Variants in MAML2 observed in about 807,000 individuals in gnomAD.
MAML2 encodes the protein mastermind like transcriptional coactivator 2.
Under a neutral mutation model 96.1 loss-of-function variants are expected in MAML2, and 22 were observed. The observed-to-expected ratio is 0.23, with a 90% CI of 0.16 to 0.33. The LOEUF is 0.33. Among genes scored for constraint, MAML2 ranks in the 10% least tolerant of loss-of-function variants. The probability of loss-of-function intolerance (pLI) is 1.00; values close to 1 mark genes in which losing one functional copy is unlikely to be tolerated. For missense variants in MAML2, 1,367 were observed against 1,392.4 expected, an observed-to-expected ratio of 0.98 and a Z score of 0.29; for synonymous variants, 561 against 521.3, an observed-to-expected ratio of 1.08 and a Z score of -1.04.
chr11:96,295,515 C>G (rs1408962101), intron 1 of MAML2, among the ~76,000 whole-genome samples: 1 of 152,114 alleles, frequency 6.6e-6, no homozygotes, highest in African/African-American at 2.4e-5. Context: ...GGACGAAATG[C>G]CTATCATCTG....
At chr11:96,235,747 A>G (rs913637849) in intron 1 of MAML2, among the ~76,000 whole-genome samples, 1 of 152,216 alleles carries the variant, frequency 6.6e-6, no homozygotes, top group Admixed American at 6.5e-5. Context: ...TTTTTGTAAG[A>G]TGTACACTTT....
chr11:96,288,863 T>C (rs906256345), intron 1 of MAML2, among the ~76,000 whole-genome samples: 1 of 152,202 alleles, frequency 6.6e-6, no homozygotes, highest in African/African-American at 2.4e-5. Context: ...CAGAATCACA[T>C]CTTTAAAGTC....
chr11:96,283,171 C>T (rs1863094577), intron 1 of MAML2, among the ~76,000 whole-genome samples: 1 of 152,158 alleles, frequency 6.6e-6, no homozygotes, highest in Admixed American at 6.5e-5. Flanking sequence ...TGTTAACTGT[C>T]AAGGTGTGGG....
At chr11:96,329,387 C>T (rs1249961899) in intron 1 of MAML2, among the ~76,000 whole-genome samples, 4 of 152,176 alleles carry the variant, frequency 2.6e-5, no homozygotes, top group Non-Finnish European at 5.9e-5. Context: ...TTGTCCCCCA[C>T]ATAACTTCAG....
At chr11:96,100,501 G>T (rs965054537) in intron 1 of MAML2, among the ~76,000 whole-genome samples, 1 of 151,646 alleles carries the variant, frequency 6.6e-6, no homozygotes, top group Non-Finnish European at 1.5e-5. Flanking sequence ...GTAGAGACAG[G>T]GTTTCACCAT....
At chr11:96,160,958 T>G (rs1217805803) in intron 1 of MAML2, among the ~76,000 whole-genome samples, 1 of 152,224 alleles carries the variant, frequency 6.6e-6, no homozygotes. Context: ...ACTTTCCTAT[T>G]AATCACTCTG....
At chr11:96,119,811 A>C (rs1860304287) in intron 1 of MAML2, among the ~76,000 whole-genome samples, 1 of 152,288 alleles carries the variant, frequency 6.6e-6, no homozygotes, top group South Asian at 2.1e-4. Flanking sequence ...ATTTGTAATA[A>C]TTTTATTTAT....
chr11:96,057,463 C>A (rs1289519150), intron 2 of MAML2, among the ~76,000 whole-genome samples: 3 of 152,146 alleles, frequency 2.0e-5, no homozygotes, highest in African/African-American at 7.2e-5. Context: ...AAACAAACAA[C>A]CTCAGAGTGT....
intron 1 of MAML2, among the ~76,000 whole-genome samples, chr11:96,270,672 T>C (rs1465528841): frequency 2.0e-5 from 3 of 152,186 alleles, no homozygotes; most frequent in African/African-American, 7.2e-5. Context: ...CCTCCTGTCT[T>C]TTTAAAAACA....
In MAML2 at chr11:96,116,454, C is replaced by A. The variant is rs186697650; in HGVS notation, c.514-22937G>T. 2.1e-3 allele frequency among the ~76,000 whole-genome samples: 319 copies of A among 152,322 alleles called. 2 individuals carry two copies. Among genetic ancestry groups the A allele is most frequent in the Admixed American group, 5.5e-3 (84 of 15,302 alleles). ...TCCCTGTATTGCAGTGGGACGCAAA[C>A]AGAGTCAGCCTGTAGCACGATGTAC... On this transcript the variant is annotated intron_variant, in intron 1 of 4. Coordinates refer to ENST00000524717, the MANE Select transcript of MAML2 (RefSeq NM_032427.4).
intron 1 of MAML2, among the ~76,000 whole-genome samples, chr11:96,336,291 A>T (rs1863919800): frequency 1.3e-5 from 2 of 152,152 alleles, no homozygotes; most frequent in Admixed American, 6.5e-5. Context: ...TATGTAATTA[A>T]AAAGCCTTGT....
intron 1 of MAML2, among the ~76,000 whole-genome samples, chr11:96,314,191 T>G (rs939428283): frequency 6.6e-6 from 1 of 152,148 alleles, no homozygotes; most frequent in African/African-American, 2.4e-5. Flanking sequence ...GAGCCCTGGG[T>G]GATGTGATTT....
At chr11:96,145,020 T>C (rs1263313045) in intron 1 of MAML2, among the ~76,000 whole-genome samples, 1 of 152,218 alleles carries the variant, frequency 6.6e-6, no homozygotes, top group Admixed American at 6.5e-5. Context: ...TTAATAATAA[T>C]CCCTACATTT....
intron 1 of MAML2, among the ~76,000 whole-genome samples, chr11:96,258,326 G>A (rs971222825): frequency 1.3e-5 from 2 of 151,980 alleles, no homozygotes; most frequent in South Asian, 2.1e-4. Flanking sequence ...AGAAAACTAC[G>A]ACAAAAAACA....
Position 96,204,294 on chromosome 11 carries a change from C to A in MAML2, c.514-110777G>T, listed in dbSNP as rs888225060. 2.6e-5 allele frequency among the ~76,000 whole-genome samples: 4 copies of A among 152,214 alleles called. No homozygotes were observed. The East Asian group carries it at 5.8e-4, about 22-fold the overall frequency. Reference sequence around the variant, plus strand: ...TTATTGAGCACCTACTACGCGCCAACCCCTGTACTATGGAAGGACGCTAAA... The same window carrying A: ...TTATTGAGCACCTACTACGCGCCAAACCCTGTACTATGGAAGGACGCTAAA... On this transcript the variant is annotated intron_variant, in intron 1 of 4. Transcript: ENST00000524717.
chr11:96,321,727 T>C (rs748755797), intron 1 of MAML2, among the ~76,000 whole-genome samples: 3 of 152,218 alleles, frequency 2.0e-5, no homozygotes, highest in Admixed American at 6.5e-5. Flanking sequence ...CTTTGAGCCA[T>C]TCTGTTCTGG....
chr11:96,061,535 A>G (rs1436262654), intron 2 of MAML2, among the ~76,000 whole-genome samples: 4 of 147,458 alleles, frequency 2.7e-5, no homozygotes. Context: ...AAATAGAGAG[A>G]AACCAGAAAT....
intron 1 of MAML2, among the ~76,000 whole-genome samples, chr11:96,277,345 C>T (rs1306688258): frequency 1.3e-5 from 2 of 149,948 alleles, no homozygotes; most frequent in East Asian, 3.9e-4. Flanking sequence ...TCTGTCACCT[C>T]GAGTATTTAC....
intron 2 of MAML2, among the ~76,000 whole-genome samples, chr11:96,052,623 G>A (rs1859005272): frequency 6.6e-6 from 1 of 152,278 alleles, no homozygotes; most frequent in South Asian, 2.1e-4. Context: ...CACCAGAGCT[G>A]TCTTGTCTGA....
Sources: allele counts gnomAD v4.1 joint callset (sites outside exome capture counted in the v4.1 genomes callset), GRCh38; gene constraint gnomAD v4.1.1; transcripts MANE v1.5; gene names NCBI Gene and HGNC (gene_info 2026-07-23, HGNC 2026-07-21).